ADAMTS19: variants seen among roughly 807,000 people sequenced by gnomAD.
ADAMTS19 encodes ADAM metallopeptidase with thrombospondin type 1 motif 19.
A neutral mutation model predicts 153.3 loss-of-function variants in ADAMTS19; 93 were observed. The ratio of observed to expected loss-of-function variants is 0.61; its 90% CI spans 0.51 to 0.72. The LOEUF is 0.72. Ranked by LOEUF, ADAMTS19 falls within the 30% of genes least tolerant of loss-of-function variation. The probability of loss-of-function intolerance (pLI) is 0.00; values close to 1 mark genes in which losing one functional copy is unlikely to be tolerated. For synonymous variants in ADAMTS19, 600 were observed against 556.6 expected (o/e 1.08, Z -1.10); for missense variants, 1,482 against 1,552.1 (o/e 0.95, Z 0.76).
At chr5:129,533,200 T>C (rs1581048688) in intron 6 of ADAMTS19, among the ~76,000 whole-genome samples, 1 of 152,114 alleles carries the variant, frequency 6.6e-6, no homozygotes. Flanking sequence ...AATTCATCTG[T>C]GGTGTGACAA....
chr5:129,642,196 G>A (rs1752821697), intron 11 of ADAMTS19, among the ~76,000 whole-genome samples: 1 of 151,768 alleles, frequency 6.6e-6, no homozygotes, highest in African/African-American at 2.4e-5. Context: ...TTTGTTGTGA[G>A]AATGTTGAGA....
chr5:129,487,305 T>C (rs1283338337), intron 2 of ADAMTS19, among the ~76,000 whole-genome samples: 1 of 152,158 alleles, frequency 6.6e-6, no homozygotes, highest in Non-Finnish European at 1.5e-5. Context: ...TTTCAATATA[T>C]GATGCTATAT....
chr5:129,537,158 A>C (rs1752468086), intron 6 of ADAMTS19, among the ~76,000 whole-genome samples: 1 of 152,206 alleles, frequency 6.6e-6, no homozygotes, highest in African/African-American at 2.4e-5. Context: ...TTATGCAGCC[A>C]ACAGACACAT....
chr5:129,713,957 T>A (rs888617142), intron 21 of ADAMTS19, among the ~76,000 whole-genome samples: 3 of 151,686 alleles, frequency 2.0e-5, no homozygotes, highest in African/African-American at 4.9e-5. Flanking sequence ...AACTCCACAT[T>A]TGTAAAATGT....
chr5:129,617,971 G>C (rs1751605829), intron 8 of ADAMTS19, among the ~76,000 whole-genome samples: 1 of 151,972 alleles, frequency 6.6e-6, no homozygotes, highest in South Asian at 2.1e-4. Flanking sequence ...TGGTCTGTCT[G>C]TATTCCAGGC....
At chr5:129,561,244 T>C (rs1753502523) in intron 7 of ADAMTS19, among the ~76,000 whole-genome samples, 2 of 152,204 alleles carry the variant, frequency 1.3e-5, no homozygotes, top group East Asian at 1.9e-4. Context: ...TACTTCTGCA[T>C]GTAAGATGTT....
chr5:129,728,403 A>C (rs1262681585), intron 21 of ADAMTS19, among the ~76,000 whole-genome samples: 1 of 152,044 alleles, frequency 6.6e-6, no homozygotes, highest in Non-Finnish European at 1.5e-5. Context: ...GGGTACATGT[A>C]CACAACGTGC....
At chr5:129,517,757 A>G (rs771932754) in intron 3 of ADAMTS19, among the ~76,000 whole-genome samples, 4 of 151,714 alleles carry the variant, frequency 2.6e-5, no homozygotes, top group South Asian at 2.1e-4. Context: ...ATGTCTTTTG[A>G]TTAGATAGTT....
At chr5:129,672,857 G>T (rs893538238) in intron 16 of ADAMTS19, among the ~76,000 whole-genome samples, 1 of 151,692 alleles carries the variant, frequency 6.6e-6, no homozygotes, top group Non-Finnish European at 1.5e-5. Context: ...TGGCTATTCA[G>T]ATATTCTTAT....
At chr5:129,699,192 C>A (rs1248099825) in intron 19 of ADAMTS19, among the ~76,000 whole-genome samples, 1 of 151,940 alleles carries the variant, frequency 6.6e-6, no homozygotes, top group Admixed American at 6.6e-5. Flanking sequence ...GAGGCCAGAG[C>A]GGGTGAATCA....
chr5:129,544,206 T>C (rs1752766504), intron 6 of ADAMTS19, among the ~76,000 whole-genome samples: 1 of 152,180 alleles, frequency 6.6e-6, no homozygotes, highest in African/African-American at 2.4e-5. Flanking sequence ...AAAATAACAA[T>C]ATTGTAGTAA....
chr5:129,547,544 G>C (rs1357783300), intron 6 of ADAMTS19, among the ~76,000 whole-genome samples: 2 of 150,310 alleles, frequency 1.3e-5, no homozygotes, highest in East Asian at 3.9e-4. Flanking sequence ...AAAAAAGTGA[G>C]TGAAAAATAA....
chr5:129,588,536 A>C (rs908199384), intron 7 of ADAMTS19, among the ~76,000 whole-genome samples: 4 of 152,066 alleles, frequency 2.6e-5, no homozygotes, highest in African/African-American at 9.6e-5. Flanking sequence ...AATTATTGAA[A>C]GATCAGTTAT....
rs140275159 is a variant in ADAMTS19, at chr5:129,658,377, GGA to G, written c.2305-239_2305-238del. On this transcript the variant is annotated intron_variant, in intron 14 of 22. Transcript: ENST00000274487. ...AGAAAGAAAGAAAGAAAGAGAGAGA[GGA>G]AGGAAGGAAGGTAGGTAGGTTATCT... Among the ~76,000 whole-genome samples the G allele has an allele frequency of 1.3e-3, 196 of 148,304 alleles. 7 individuals are homozygous for G. The highest frequency in any genetic ancestry group is 4.6e-3 in the South Asian group (22 of 4,780).
In ADAMTS19 at chr5:129,635,306, T is replaced by C. The variant is rs918909582; in HGVS notation, c.1771-6553T>C. Among the ~76,000 whole-genome samples, 7 of 152,300 alleles carry C rather than the reference T, an allele frequency of 4.6e-5. No homozygotes were observed. The East Asian group carries it at 1.4e-3, about 29-fold the overall frequency. On this transcript the variant is annotated intron_variant, in intron 10 of 22. Coordinates refer to ENST00000274487, the MANE Select transcript of ADAMTS19 (RefSeq NM_133638.6). ...AAAGGGAACACTTATATACTGTTGA[T>C]GGGAGTGTAAATTAGTTCAACCATT... is the stretch of plus-strand genomic sequence containing the variant.
chr5:129,565,212 G>C (rs765179617), intron 7 of ADAMTS19, among the ~76,000 whole-genome samples: 3 of 152,056 alleles, frequency 2.0e-5, no homozygotes, highest in Admixed American at 6.6e-5. Flanking sequence ...ATAAACCTAT[G>C]AGCATTTGCT....
Position 129,688,450 on chromosome 5 carries a change from TCTAG to T in ADAMTS19, c.2818+4181_2818+4184del, listed in dbSNP as rs1430780306. Among the ~76,000 whole-genome samples the T allele has an allele frequency of 4.6e-5, 7 of 151,890 alleles. No individual in the cohort carries two copies. In the South Asian group the frequency reaches 8.3e-4, roughly 18 times the overall value. On this transcript the variant is annotated intron_variant, in intron 18 of 22. Transcript: ENST00000274487. ...ATAAACACTTAAAAGGATATGGTTA[TCTAG>T]CTAATTTTTATCATAATTATATTTT... is the stretch of plus-strand genomic sequence containing the variant.
At chr5:129,695,740 A>G (rs1755523048) in intron 19 of ADAMTS19, among the ~76,000 whole-genome samples, 1 of 152,188 alleles carries the variant, frequency 6.6e-6, no homozygotes, top group African/African-American at 2.4e-5. Context: ...GGCTGGATTG[A>G]TTCCTCTGAA....
rs957933802 is a variant in ADAMTS19, at chr5:129,639,386, G to C, written c.1771-2473G>C. Among the ~76,000 whole-genome samples, 3 of 152,250 alleles carry C rather than the reference G, an allele frequency of 2.0e-5. No individual in the cohort carries two copies. The East Asian group carries it at 5.8e-4, about 29-fold the overall frequency. On this transcript the variant is annotated intron_variant, in intron 10 of 22. Transcript: ENST00000274487. ...GATTTTGGTTTGAACTTCTAAATCT[G>C]AGTTATTTTTAAGACCGAGGCTGTA...
Sources: gnomAD v4.1 joint callset for allele counts (sites outside exome capture counted in the v4.1 genomes callset) on GRCh38, gnomAD v4.1.1 for gene constraint, MANE v1.5 for transcripts, NCBI Gene and HGNC (gene_info 2026-07-23, HGNC 2026-07-21) for gene names.